Variants in DNAJC13 observed in about 807,000 individuals in gnomAD.
DNAJC13 encodes DnaJ heat shock protein family (Hsp40) member C13.
Under a neutral mutation model 290.5 loss-of-function variants are expected in DNAJC13, and 75 were observed. The observed-to-expected ratio is 0.26, with a 90% CI of 0.21 to 0.31. The LOEUF (loss-of-function observed/expected upper bound fraction) is 0.31. Among genes scored for constraint, DNAJC13 ranks in the 10% least tolerant of loss-of-function variants. The pLI, the probability that DNAJC13 is intolerant of heterozygous loss-of-function variation, is 1.00. For missense variants in DNAJC13, 2,260 were observed against 2,674.5 expected, an observed-to-expected ratio of 0.85 and a Z score of 3.42; for synonymous variants, 862 against 892.0, an observed-to-expected ratio of 0.97 and a Z score of 0.60.
intron 48 of DNAJC13, among the ~76,000 whole-genome samples, 185 bp from the exon 49 acceptor site, chr3:132,522,639 CTTAT>C (rs1936125550): frequency 6.6e-6 from 1 of 152,136 alleles, no homozygotes; most frequent in African/African-American, 2.4e-5. Context: ...CGTACTGAGT[CTTAT>C]TTAAAGGTAC....
chr3:132,506,298 C>T (rs1300092481), intron 42 of DNAJC13, among the ~76,000 whole-genome samples: 2 of 151,456 alleles, frequency 1.3e-5, no homozygotes, highest in African/African-American at 4.8e-5. Flanking sequence ...GTGATCCGCC[C>T]GCCTCAGCCT....
intron 39 of DNAJC13, among the ~76,000 whole-genome samples, chr3:132,501,506 T>C (rs185635772): frequency 4.0e-5 from 6 of 151,382 alleles, no homozygotes; most frequent in South Asian, 4.2e-4. Context: ...GACTGAGATA[T>C]ATGCTTCAGA....
rs1234931023 is a variant in DNAJC13, at chr3:132,523,562, T to A, written c.5909T>A (p.Val1970Glu). Residue 1970 changes from valine to glutamate, a missense_variant, in exon 51 of 56, where the codon GTG (valine) becomes GAG (glutamate). Val to Glu is a moderately radical substitution (Grantham distance 121). Coordinates refer to ENST00000260818, the MANE Select transcript of DNAJC13 (RefSeq NM_015268.4). ...AAGTTGCCTGAAGATTTTGCTGTGG[T>A]GTTTGGAGAAGCAGAGGGTGAACTT... ...NWKLPEDFAV[V>E]FGEAEGELAV... is the part of the protein sequence containing the mutation. 1.2e-6 allele frequency: 2 copies of A among 1,613,650 alleles called. No homozygotes were observed. The highest frequency in any genetic ancestry group is 1.7e-6 in the Non-Finnish European group (2 of 1,179,876).
chr3:132,461,632 G>T (rs1181548756), intron 15 of DNAJC13, among the ~76,000 whole-genome samples: 4 of 152,080 alleles, frequency 2.6e-5, no homozygotes, highest in Admixed American at 2.6e-4. Flanking sequence ...CCATTGATGG[G>T]TGTTCACTGC....
intron 16 of DNAJC13, 138 bp from the exon 17 acceptor site, chr3:132,463,558 G>A: frequency 3.3e-6 from 3 of 908,802 alleles, no homozygotes; most frequent in Admixed American, 3.2e-5. Context: ...TTTTTTGGGT[G>A]ATTAGAAGAT....
chr3:132,448,018 G>T (rs1933307762), intron 5 of DNAJC13, 79 bp downstream of exon 5: 1 of 1,015,316 alleles, frequency 9.8e-7, no homozygotes, highest in African/African-American at 1.6e-5. Flanking sequence ...CATAATCTGT[G>T]TGTTCCATTT....
chr3:132,483,169 C>T lies in DNAJC13; in HGVS notation c.2980-206C>T, dbSNP rs7641195. 0.62 allele frequency among the ~76,000 whole-genome samples: 93,451 copies of T among 151,838 alleles called. 31,591 individuals are homozygous for T. The highest frequency in any genetic ancestry group is 0.9 in the East Asian group (4,663 of 5,168). On this transcript the variant is annotated intron_variant, in intron 27 of 55. Coordinates refer to ENST00000260818, the MANE Select transcript of DNAJC13 (RefSeq NM_015268.4). ...TCCAGTATTCTTTATGCTCTGCAGGCTGGCCAGGTGGTGGGTTTTTTGGTT... is the reference window on the plus strand; with the variant it reads ...TCCAGTATTCTTTATGCTCTGCAGGTTGGCCAGGTGGTGGGTTTTTTGGTT...
At chr3:132,426,511 A>G (rs1009786559) in intron 1 of DNAJC13, among the ~76,000 whole-genome samples, 3 of 152,244 alleles carry the variant, frequency 2.0e-5, no homozygotes, top group African/African-American at 7.2e-5. Context: ...AGCTGCTACC[A>G]AGATCTCATT....
intron 40 of DNAJC13, 97 bp from the exon 41 acceptor site, chr3:132,503,117 C>A: frequency 7.5e-7 from 1 of 1,329,778 alleles, no homozygotes; most frequent in Non-Finnish European, 1.0e-6. Flanking sequence ...CTTTTTACTC[C>A]TTAAATATGT....
Position 132,502,271 on chromosome 3 carries a change from TCA to T in DNAJC13, c.4537-17_4537-16del. 2 of 1,552,434 alleles carry T rather than the reference TCA, an allele frequency of 1.3e-6. No individual in the cohort carries two copies. The highest frequency in any genetic ancestry group is 1.7e-6 in the Non-Finnish European group (2 of 1,147,240). On this transcript the variant is annotated splice_polypyrimidine_tract_variant and intron_variant, in intron 39 of 55. Coordinates refer to ENST00000260818, the MANE Select transcript of DNAJC13 (RefSeq NM_015268.4). Reference sequence around the variant, plus strand: ...TTTAACTCTGTAACAACTAATGCTCTCATTTTTATTCTCTCAGAGTATTCCCC... The same window carrying T: ...TTTAACTCTGTAACAACTAATGCTCTTTTTTATTCTCTCAGAGTATTCCCC...
chr3:132,480,318 T>A (rs758242797), intron 25 of DNAJC13, 51 bp from the exon 26 acceptor site: 1 of 1,287,670 alleles, frequency 7.8e-7, no homozygotes, highest in Non-Finnish European at 1.1e-6. Context: ...GGGATAGGTT[T>A]TAGGTTATGA....
chr3:132,503,540 A>G (rs1419154147), intron 41 of DNAJC13, among the ~76,000 whole-genome samples, 159 bp downstream of exon 41: 1 of 152,232 alleles, frequency 6.6e-6, no homozygotes, highest in Non-Finnish European at 1.5e-5. Context: ...GATTGATGCT[A>G]ATGATGTCAG....
Position 132,490,913 on chromosome 3 carries a change from T to C in DNAJC13, c.3485T>C (p.Ile1162Thr). The C allele has an allele frequency of 6.3e-7, 1 of 1,592,636 alleles. No homozygotes were observed. The highest frequency in any genetic ancestry group is 8.5e-7 in the Non-Finnish European group (1 of 1,172,766). Reference sequence around the variant, plus strand: ...GTTTTGAAGACAAAAGGACAAGATATTTTTCAGAGAAGTATACTTGGGCAC... The same window carrying C: ...GTTTTGAAGACAAAAGGACAAGATACTTTTCAGAGAAGTATACTTGGGCAC... ...FKSEETKGQD[I>T]FQRSILGHIL... The change falls in exon 32 of 56, where the codon ATT becomes ACT. Residue 1162 changes from isoleucine (I) to threonine (T), a missense_variant. By Grantham distance (89) the Ile-to-Thr change is moderately conservative. Transcript: ENST00000260818.
At chr3:132,498,817 A>G (rs183098863) in intron 36 of DNAJC13, among the ~76,000 whole-genome samples, 238 of 151,562 alleles carry the variant, frequency 1.6e-3, no homozygotes, top group African/African-American at 5.5e-3. Flanking sequence ...CCGGGTTCAC[A>G]CCTTTCTCCT....
intron 16 of DNAJC13, among the ~76,000 whole-genome samples, chr3:132,462,926 C>T (rs1348190390): frequency 6.6e-6 from 1 of 152,124 alleles, no homozygotes; most frequent in Non-Finnish European, 1.5e-5. Flanking sequence ...ACAAAAAGTT[C>T]TTGATAAAGC....
chr3:132,468,659 C>T (rs1005770994), intron 20 of DNAJC13, among the ~76,000 whole-genome samples: 5 of 152,060 alleles, frequency 3.3e-5, no homozygotes, highest in Non-Finnish European at 2.9e-5. Context: ...AATAACAATA[C>T]CTCCCTTCTC....
At chr3:132,481,423 C>G (rs1287267903) in intron 26 of DNAJC13, among the ~76,000 whole-genome samples, 2 of 151,920 alleles carry the variant, frequency 1.3e-5, no homozygotes, top group African/African-American at 4.8e-5. Context: ...CCTGTCTTGA[C>G]AAAAACAAAA....
At chr3:132,469,785 A>T (rs58808668) in intron 20 of DNAJC13, among the ~76,000 whole-genome samples, 1 of 151,582 alleles carries the variant, frequency 6.6e-6, no homozygotes, top group Non-Finnish European at 1.5e-5. Context: ...ATCTTTTAAA[A>T]TTTATTTTAC....
chr3:132,447,577 T>A, intron 4 of DNAJC13, 107 bp downstream of exon 4: 1 of 1,159,746 alleles, frequency 8.6e-7, no homozygotes, highest in Non-Finnish European at 1.2e-6. Context: ...GTACCCACTA[T>A]GATTATTTTT....
Sources: allele counts gnomAD v4.1 joint callset (sites outside exome capture counted in the v4.1 genomes callset), GRCh38; gene constraint gnomAD v4.1.1; transcripts MANE v1.5; gene names NCBI Gene and HGNC (gene_info 2026-07-23, HGNC 2026-07-21).